AGBL1: variants seen among roughly 807,000 people sequenced by gnomAD.
AGBL1 encodes the protein AGBL carboxypeptidase 1.
Under a neutral mutation model 118.9 loss-of-function variants are expected in AGBL1, and 130 were observed. The ratio of observed to expected loss-of-function variants is 1.09; its 90% CI spans 0.95 to 1.26. AGBL1 has a LOEUF of 1.26. AGBL1 is among the 50% of genes most tolerant of loss of function. The probability of loss-of-function intolerance (pLI) is 0.00; values close to 1 mark genes in which losing one functional copy is unlikely to be tolerated. For synonymous variants in AGBL1, 555 were observed against 478.9 expected (o/e 1.16, Z -2.08); for missense variants, 1,584 against 1,298.1 (o/e 1.22, Z -3.38).
At chr15:86,520,699 C>G (rs112310048) in intron 18 of AGBL1, among the ~76,000 whole-genome samples, 1 of 152,096 alleles carries the variant, frequency 6.6e-6, no homozygotes, top group African/African-American at 2.4e-5. Context: ...CAACTAATTT[C>G]GTCACAGTCA....
chr15:86,135,692 G>C (rs192467319), intron 1 of AGBL1, among the ~76,000 whole-genome samples: 1 of 152,160 alleles, frequency 6.6e-6, no homozygotes, highest in African/African-American at 2.4e-5. Flanking sequence ...CAAAAATCTT[G>C]CTCTAGAGGA....
chr15:86,993,191 A>G (rs2081349944), intron 24 of AGBL1, among the ~76,000 whole-genome samples: 1 of 152,240 alleles, frequency 6.6e-6, no homozygotes, highest in South Asian at 2.1e-4. Flanking sequence ...TTTGTGACTG[A>G]TAGACACAGT....
At chr15:86,827,717 ACT>A (rs1478619199) in intron 22 of AGBL1, among the ~76,000 whole-genome samples, 1 of 144,316 alleles carries the variant, frequency 6.9e-6, no homozygotes, top group Non-Finnish European at 1.5e-5. Flanking sequence ...CTTTGAGGAA[ACT>A]CTGAGACCAC....
At chr15:86,108,829 C>T (rs771408412) in intron 1 of AGBL1, among the ~76,000 whole-genome samples, 4 of 152,092 alleles carry the variant, frequency 2.6e-5, no homozygotes, top group Non-Finnish European at 2.9e-5. Context: ...TGGTGGCATG[C>T]ACCTGTAGTC....
At chr15:86,646,459 G>T (rs749816644) in intron 21 of AGBL1, among the ~76,000 whole-genome samples, 1 of 151,950 alleles carries the variant, frequency 6.6e-6, no homozygotes, top group Non-Finnish European at 1.5e-5. Flanking sequence ...CAATTTCTTT[G>T]TTTCTATTAT....
intron 19 of AGBL1, among the ~76,000 whole-genome samples, chr15:86,537,756 A>T (rs1043233703): frequency 6.6e-6 from 1 of 152,236 alleles, no homozygotes; most frequent in Non-Finnish European, 1.5e-5. Context: ...CAAGTTGCTT[A>T]ACCTCCTTTA....
chr15:86,229,528 A>T (rs1350113893), intron 6 of AGBL1, among the ~76,000 whole-genome samples: 1 of 152,134 alleles, frequency 6.6e-6, no homozygotes, highest in East Asian at 1.9e-4. Context: ...GACACAGCCA[A>T]ACCATATCAC....
intron 18 of AGBL1, among the ~76,000 whole-genome samples, chr15:86,444,248 C>T (rs1369893633): frequency 6.6e-6 from 1 of 152,194 alleles, no homozygotes; most frequent in East Asian, 1.9e-4. Context: ...AGAACACAAT[C>T]TCACTGGCTT....
chr15:86,470,092 C>A (rs7175265), intron 18 of AGBL1, among the ~76,000 whole-genome samples: 5 of 151,854 alleles, frequency 3.3e-5, no homozygotes, highest in African/African-American at 1.2e-4. Context: ...ATTCCATTTG[C>A]CCATTTTTGC....
intron 18 of AGBL1, among the ~76,000 whole-genome samples, chr15:86,472,176 G>T (rs368134878): frequency 2.0e-5 from 3 of 152,324 alleles, no homozygotes; most frequent in East Asian, 3.9e-4. Context: ...AAGTGTGAGA[G>T]AATACATTTC....
At chr15:86,503,129 G>A (rs537835441) in intron 18 of AGBL1, among the ~76,000 whole-genome samples, 2 of 151,422 alleles carry the variant, frequency 1.3e-5, no homozygotes, top group East Asian at 3.9e-4. Context: ...TTTATTATAG[G>A]TCTATTTCAA....
intron 22 of AGBL1, among the ~76,000 whole-genome samples, chr15:86,684,644 C>CATA (rs1363856365): frequency 6.6e-6 from 1 of 151,988 alleles, no homozygotes; most frequent in Non-Finnish European, 1.5e-5. Context: ...AGATCACAGA[C>CATA]ATAAGGCTTA....
At chr15:86,617,778 A>G (rs2084751527) in intron 21 of AGBL1, among the ~76,000 whole-genome samples, 1 of 151,978 alleles carries the variant, frequency 6.6e-6, no homozygotes, top group African/African-American at 2.4e-5. Context: ...ACACACACAC[A>G]CACACACACA....
intron 21 of AGBL1, among the ~76,000 whole-genome samples, chr15:86,614,283 C>T (rs11073650): frequency 0.21 from 32,667 of 152,090 alleles, 3,904 homozygotes; most frequent in East Asian, 0.42. Flanking sequence ...TTTAGCTCAT[C>T]CTTATTGTCA....
chr15:86,568,660 T>C (rs1439703854), intron 21 of AGBL1, among the ~76,000 whole-genome samples: 2 of 152,202 alleles, frequency 1.3e-5, no homozygotes, highest in African/African-American at 4.8e-5. Flanking sequence ...GAGCAGAGCA[T>C]CAGCAGCATC....
chr15:86,448,309 T>C (rs1165540939), intron 18 of AGBL1, among the ~76,000 whole-genome samples: 1 of 152,172 alleles, frequency 6.6e-6, no homozygotes, highest in African/African-American at 2.4e-5. Context: ...CTGTCTCCTT[T>C]TTTGGGCTAC....
intron 7 of AGBL1, among the ~76,000 whole-genome samples, chr15:86,250,517 C>T (rs1369402756): frequency 1.3e-5 from 1 of 79,238 alleles, no homozygotes; most frequent in Admixed American, 1.9e-4. Context: ...CAGAGTAAGA[C>T]TCTGTCTCAA....
chr15:86,549,573 A>G (rs1332383860), intron 20 of AGBL1, among the ~76,000 whole-genome samples: 1 of 152,078 alleles, frequency 6.6e-6, no homozygotes, highest in Non-Finnish European at 1.5e-5. Flanking sequence ...AGTATAATCT[A>G]TGATGTCCAG....
At chr15:86,101,115 C>T (rs1356812057) in intron 1 of AGBL1, among the ~76,000 whole-genome samples, 4 of 151,894 alleles carry the variant, frequency 2.6e-5, no homozygotes, top group Admixed American at 1.3e-4. Flanking sequence ...TAATTTCTTC[C>T]TTGAGTTAAT....
Sources: gnomAD v4.1 joint callset for allele counts (sites outside exome capture counted in the v4.1 genomes callset) on GRCh38, gnomAD v4.1.1 for gene constraint, MANE v1.5 for transcripts, NCBI Gene and HGNC (gene_info 2026-07-23, HGNC 2026-07-21) for gene names.